CACNB2: variants seen among roughly 807,000 people sequenced by gnomAD.
CACNB2 encodes the protein voltage-dependent L-type calcium channel subunit beta-2.
A neutral mutation model predicts 73.3 loss-of-function variants in CACNB2; 42 were observed. The observed-to-expected ratio is 0.57, with a 90% CI of 0.45 to 0.74. The LOEUF (loss-of-function observed/expected upper bound fraction) is 0.74. Ranked by LOEUF, CACNB2 falls within the 30% of genes least tolerant of loss-of-function variation. CACNB2 has a pLI of 0.00. For missense variants in CACNB2, 940 were observed against 853.0 expected (o/e 1.10, Z -1.27); for synonymous variants, 348 against 310.3 (o/e 1.12, Z -1.28).
chr10:18,141,204 C>T, intron 1 of CACNB2: 1 of 839,382 alleles, frequency 1.2e-6, no homozygotes, highest in Non-Finnish European at 1.8e-6. Context: ...TGGACTGGAC[C>T]TGCTGAAGAT....
chr10:18,391,545 A>T (rs923065271), intron 2 of CACNB2, among the ~76,000 whole-genome samples: 1 of 152,160 alleles, frequency 6.6e-6, no homozygotes, highest in Non-Finnish European at 1.5e-5. Flanking sequence ...TGAAACATTT[A>T]AAAAAATCCA....
intron 3 of CACNB2, among the ~76,000 whole-genome samples, chr10:18,431,386 C>T (rs969738037): frequency 1.3e-5 from 2 of 152,164 alleles, no homozygotes; most frequent in Non-Finnish European, 2.9e-5. Flanking sequence ...TGCTTTTCTA[C>T]TGATGCCTCA....
At position 18,154,273 on chromosome 10, in the gene CACNB2, G is replaced by A. The variant is rs557107452; in HGVS notation, c.213+3298G>A. Among the ~76,000 whole-genome samples, 4 of 150,482 alleles carry A rather than the reference G, an allele frequency of 2.7e-5. No homozygotes were observed. The East Asian group carries it at 7.8e-4, about 29-fold the overall frequency. ...TGATAATGTGAAAATTTGACATAAA[G>A]GAAAGGAATTAAGAACTTTAAAAAA... On this transcript the variant is annotated intron_variant, in intron 2 of 13. Transcript: ENST00000324631.
At chr10:18,213,761 A>G (rs2032037) in intron 2 of CACNB2, among the ~76,000 whole-genome samples, 2 of 152,332 alleles carry the variant, frequency 1.3e-5, no homozygotes, top group African/African-American at 4.8e-5. Context: ...AAGAAATATA[A>G]TAGAATGGCT....
intron 2 of CACNB2, among the ~76,000 whole-genome samples, chr10:18,365,944 A>G (rs2042329313): frequency 6.6e-6 from 1 of 152,200 alleles, no homozygotes; most frequent in Non-Finnish European, 1.5e-5. Flanking sequence ...AATTCCAGGA[A>G]GTTTCTGAGC....
intron 2 of CACNB2, among the ~76,000 whole-genome samples, chr10:18,290,218 G>C (rs2039009236): frequency 1.4e-5 from 2 of 147,632 alleles, no homozygotes; most frequent in South Asian, 2.2e-4. Flanking sequence ...ATAGACACGG[G>C]GTTTCACCGT....
In CACNB2 at chr10:18,539,740, G is replaced by GCTTTTTTT. The variant is rs753335762; in HGVS notation, c.*16_*17insCTTTTTTT. On this transcript the variant is annotated 3_prime_UTR_variant, in exon 14 of 14. Coordinates refer to ENST00000324631, the MANE Select transcript of CACNB2 (RefSeq NM_201596.3). ...CCGCCAATGAGTTTTGCCCGTTTGT[G>GCTTTTTTT]TTTTTTTTTTTTTTTTTTTGAAGTC... is the stretch of plus-strand genomic sequence containing the variant. 4.8e-6 allele frequency: 7 copies of GCTTTTTTT among 1,449,380 alleles called. No homozygotes were observed. The highest frequency in any genetic ancestry group is 2.8e-6 in the Non-Finnish European group (3 of 1,077,928). The allele number at this position is 1,449,380 out of a possible 1,614,324, so 89.8% of individuals were successfully genotyped here. A position where few individuals can be genotyped will look rare whatever the true frequency, so the allele number is the denominator to read the frequency against.
At chr10:18,221,476 C>T (rs923717725) in intron 2 of CACNB2, among the ~76,000 whole-genome samples, 1 of 152,112 alleles carries the variant, frequency 6.6e-6, no homozygotes, top group African/African-American at 2.4e-5. Context: ...GCCAGGAGTT[C>T]GAGACCAGCC....
chr10:18,503,449 A>G (rs2050316591), intron 5 of CACNB2, among the ~76,000 whole-genome samples: 1 of 152,162 alleles, frequency 6.6e-6, no homozygotes, highest in African/African-American at 2.4e-5. Flanking sequence ...GTATGAAACT[A>G]GCTGGGTGTG....
intron 2 of CACNB2, among the ~76,000 whole-genome samples, chr10:18,277,975 G>A (rs2038372649): frequency 6.6e-6 from 1 of 152,098 alleles, no homozygotes. Flanking sequence ...GTATATTTTG[G>A]CTCAAATCTT....
At position 18,485,655 on chromosome 10, in the gene CACNB2, G is replaced by A. The variant is rs532775064; in HGVS notation, c.334-12700G>A. ...TGGCTCACTGCAACCTCCACCTCCC[G>A]GGCTTAAGTGATTCTCCCACCTGAG... On this transcript the variant is annotated intron_variant, in intron 3 of 13. Transcript: ENST00000324631. Among the ~76,000 whole-genome samples, 9 of 148,904 alleles carry A rather than the reference G, an allele frequency of 6.0e-5. No individual in the cohort carries two copies. The South Asian group carries it at 8.7e-4, about 14-fold the overall frequency.
intron 2 of CACNB2, among the ~76,000 whole-genome samples, chr10:18,394,405 A>G (rs1455669984): frequency 6.6e-6 from 1 of 152,230 alleles, no homozygotes; most frequent in Non-Finnish European, 1.5e-5. Context: ...CAGAAAAAAC[A>G]TATGCTTTTG....
chr10:18,166,600 T>C (rs553252822), intron 2 of CACNB2, among the ~76,000 whole-genome samples: 1 of 152,340 alleles, frequency 6.6e-6, no homozygotes, highest in African/African-American at 2.4e-5. Flanking sequence ...TTTATTATTT[T>C]GTGGATAGTT....
chr10:18,194,323 G>C (rs1389838077), intron 2 of CACNB2, among the ~76,000 whole-genome samples: 1 of 152,182 alleles, frequency 6.6e-6, no homozygotes, highest in African/African-American at 2.4e-5. Flanking sequence ...AGGCCCCCCA[G>C]CTGAAGGAAG....
At chr10:18,220,239 A>AGGGGGG (rs1291259522) in intron 2 of CACNB2, among the ~76,000 whole-genome samples, 5 of 69,438 alleles carry the variant, frequency 7.2e-5, no homozygotes, top group African/African-American at 4.4e-4. Context: ...ATATAGAGAG[A>AGGGGGG]GAGAGAGAGA....
intron 3 of CACNB2, among the ~76,000 whole-genome samples, chr10:18,452,865 T>C (rs729245): frequency 0.66 from 100,715 of 152,150 alleles, 34,005 homozygotes; most frequent in South Asian, 0.74. Flanking sequence ...TACTGGACTA[T>C]ACCTTAGTGC....
At chr10:18,484,564 G>A (rs2048962965) in intron 3 of CACNB2, among the ~76,000 whole-genome samples, 1 of 152,172 alleles carries the variant, frequency 6.6e-6, no homozygotes, top group Admixed American at 6.6e-5. Context: ...AAGGGAAGAA[G>A]AGAGTGCTCA....
chr10:18,269,143 A>G (rs1402895710), intron 2 of CACNB2, among the ~76,000 whole-genome samples: 1 of 152,218 alleles, frequency 6.6e-6, no homozygotes, highest in Non-Finnish European at 1.5e-5. Flanking sequence ...CGTTGCTGGC[A>G]GATTTCCTAA....
In CACNB2 at chr10:18,500,924, C is replaced by T; in HGVS notation, c.569C>T (p.Ala190Val). The T allele has an allele frequency of 1.2e-6, 2 of 1,613,964 alleles. No homozygotes were observed. The highest frequency in any genetic ancestry group is 1.7e-6 in the Non-Finnish European group (2 of 1,179,946). ...ATGAGGCTGCAGCATGAACAGAGAG[C>T]CAAGCAAGGGAAATTCTACTCCAGG... ...ENMRLQHEQR[A>V]KQGKFYSSKS... The change falls in exon 5 of 14, where the codon GCC (alanine) becomes GTC (valine). Residue 190 changes from alanine (A) to valine (V), a missense_variant. Coordinates refer to ENST00000324631, the MANE Select transcript of CACNB2 (RefSeq NM_201596.3).
Sources: allele counts gnomAD v4.1 joint callset (sites outside exome capture counted in the v4.1 genomes callset), GRCh38; gene constraint gnomAD v4.1.1; transcripts MANE v1.5; gene names NCBI Gene and HGNC (gene_info 2026-07-23, HGNC 2026-07-21).